NCKAP5: variants seen among roughly 807,000 people sequenced by gnomAD.
The protein encoded by NCKAP5 is nck-associated protein 5.
In NCKAP5, 92 loss-of-function variants were observed where a neutral mutation model predicts 167.0. That is an observed-to-expected ratio of 0.55 (90% CI 0.47 to 0.66). The LOEUF is 0.66. Among genes scored for constraint, NCKAP5 ranks in the 30% least tolerant of loss-of-function variants. NCKAP5 has a pLI of 0.00. For synonymous variants in NCKAP5, 891 were observed against 877.4 expected, an observed-to-expected ratio of 1.02 and a Z score of -0.27; for missense variants, 2,378 against 2,315.0, an observed-to-expected ratio of 1.03 and a Z score of -0.56.
At chr2:133,669,528 G>T in the NCKAP5 span, among the ~76,000 whole-genome samples, 312 of 152,144 alleles carry the variant, frequency 2.1e-3, 1 homozygote, top group African/African-American at 7.3e-3. Flanking sequence ...TTCTTCAAAG[G>T]TATCTTTTTG....
chr2:133,547,821 C>T (rs1686879537), intron 2 of NCKAP5, among the ~76,000 whole-genome samples: 1 of 148,078 alleles, frequency 6.8e-6, no homozygotes, highest in South Asian at 2.2e-4. Context: ...CGCAGAGCGC[C>T]TCTCCTCCTC....
chr2:133,346,373 G>A lies in NCKAP5; in HGVS notation c.70-43263C>T, dbSNP rs554526407. 2.6e-5 allele frequency among the ~76,000 whole-genome samples: 4 copies of A among 152,312 alleles called. No individual in the cohort carries two copies. In the South Asian group the frequency reaches 8.3e-4, roughly 32 times the overall value. On this transcript the variant is annotated intron_variant, in intron 3 of 19. Transcript: ENST00000409261. ...ATTGATGATGACAGACTGTGAATTT[G>A]AAAGGATTTTCAGAGGATGAGAGGG...
At chr2:132,973,652 T>G (rs2149244357) in intron 7 of NCKAP5, among the ~76,000 whole-genome samples, 1 of 152,198 alleles carries the variant, frequency 6.6e-6, no homozygotes, top group Non-Finnish European at 1.5e-5. Context: ...GCCTAGAAGA[T>G]TCCCTGCATA....
chr2:132,962,543 A>G (rs542456426), intron 8 of NCKAP5, among the ~76,000 whole-genome samples: 7 of 152,224 alleles, frequency 4.6e-5, no homozygotes, highest in South Asian at 4.2e-4. Context: ...CTGAGGTAGA[A>G]TTGCAGAAAG....
intron 8 of NCKAP5, among the ~76,000 whole-genome samples, chr2:132,898,653 C>T (rs1693389458): frequency 6.6e-6 from 1 of 152,186 alleles, no homozygotes; most frequent in Non-Finnish European, 1.5e-5. Flanking sequence ...ATGAAAACAA[C>T]ATTAATCTTT....
At chr2:133,596,748 A>G in the NCKAP5 span, among the ~76,000 whole-genome samples, 1 of 150,646 alleles carries the variant, frequency 6.6e-6, no homozygotes, top group African/African-American at 2.5e-5. Flanking sequence ...GAGGAAAGCC[A>G]TGGTACCACC....
chr2:132,922,057 A>G (rs1326222605), intron 8 of NCKAP5, among the ~76,000 whole-genome samples: 1 of 152,154 alleles, frequency 6.6e-6, no homozygotes, highest in Admixed American at 6.5e-5. Flanking sequence ...GAGCAGAGAG[A>G]TGGACAGAAA....
chr2:133,188,931 G>T (rs1230033476), intron 5 of NCKAP5, among the ~76,000 whole-genome samples: 2 of 152,042 alleles, frequency 1.3e-5, no homozygotes, highest in Non-Finnish European at 2.9e-5. Context: ...TAATAACTAA[G>T]ATCAGAGAAG....
At chr2:132,953,952 G>A (rs191713771) in intron 8 of NCKAP5, among the ~76,000 whole-genome samples, 6 of 152,302 alleles carry the variant, frequency 3.9e-5, no homozygotes, top group African/African-American at 1.4e-4. Context: ...TCACGGTGCT[G>A]CTGATTTGGT....
At chr2:132,912,756 CAGCAGGA>C (rs1441749956) in intron 8 of NCKAP5, among the ~76,000 whole-genome samples, 1 of 152,208 alleles carries the variant, frequency 6.6e-6, no homozygotes, top group Non-Finnish European at 1.5e-5. Context: ...CTGAAACTTT[CAGCAGGA>C]ACACGATAGC....
chr2:133,535,527 A>G (rs997538719), intron 2 of NCKAP5, among the ~76,000 whole-genome samples: 2 of 152,190 alleles, frequency 1.3e-5, no homozygotes, highest in East Asian at 3.9e-4. Context: ...ACATATGTGA[A>G]TATATAGAAT....
At chr2:133,411,150 A>T (rs139915453) in intron 3 of NCKAP5, among the ~76,000 whole-genome samples, 1 of 152,280 alleles carries the variant, frequency 6.6e-6, no homozygotes, top group African/African-American at 2.4e-5. Flanking sequence ...TCCATCTTGC[A>T]TCTTCTTATT....
the NCKAP5 span, among the ~76,000 whole-genome samples, chr2:133,648,263 A>T: frequency 3.0e-3 from 374 of 125,386 alleles, 4 homozygotes; most frequent in Non-Finnish European, 5.6e-3. Flanking sequence ...AGATATATTA[A>T]AAAAAAACTG....
At chr2:133,291,444 G>T (rs2150516923) in intron 4 of NCKAP5, among the ~76,000 whole-genome samples, 1 of 152,278 alleles carries the variant, frequency 6.6e-6, no homozygotes, top group East Asian at 1.9e-4. Flanking sequence ...GAGGAAAGGA[G>T]AGCAGAGGGC....
chr2:132,674,851 C>T (rs994505477), intron 19 of NCKAP5, among the ~76,000 whole-genome samples: 4 of 152,068 alleles, frequency 2.6e-5, no homozygotes, highest in Non-Finnish European at 4.4e-5. Flanking sequence ...ACATTACTCA[C>T]AGAGCTAATT....
chr2:133,093,402 T>C (rs980851258), intron 6 of NCKAP5, among the ~76,000 whole-genome samples: 7 of 152,252 alleles, frequency 4.6e-5, no homozygotes, highest in Admixed American at 4.6e-4. Context: ...ATACCACTTA[T>C]GTTGCCTGAA....
At chr2:132,701,877 C>A (rs1363995109) in intron 19 of NCKAP5, among the ~76,000 whole-genome samples, 1 of 152,140 alleles carries the variant, frequency 6.6e-6, no homozygotes, top group Non-Finnish European at 1.5e-5. Flanking sequence ...CACTGGGTTC[C>A]CAGAGGCAAC....
At chr2:133,222,060 T>C (rs990129096) in intron 4 of NCKAP5, among the ~76,000 whole-genome samples, 9 of 152,174 alleles carry the variant, frequency 5.9e-5, no homozygotes, top group African/African-American at 9.7e-5. Context: ...CTTCACATGA[T>C]ATACTTAAAC....
chr2:133,604,967 G>C, the NCKAP5 span, among the ~76,000 whole-genome samples: 2 of 152,182 alleles, frequency 1.3e-5, no homozygotes, highest in African/African-American at 2.4e-5. Flanking sequence ...TGATGAGAAG[G>C]CTATCGCCTT....
Sources: gnomAD v4.1 joint callset for allele counts (sites outside exome capture counted in the v4.1 genomes callset) on GRCh38, gnomAD v4.1.1 for gene constraint, MANE v1.5 for transcripts, NCBI Gene and HGNC (gene_info 2026-07-23, HGNC 2026-07-21) for gene names.